KCNH8: variants seen among roughly 807,000 people sequenced by gnomAD.
KCNH8 encodes the protein voltage-gated delayed rectifier potassium channel KCNH8.
A neutral mutation model predicts 103.6 loss-of-function variants in KCNH8; 70 were observed. The observed-to-expected ratio is 0.68, with a 90% CI of 0.56 to 0.82. KCNH8 has a LOEUF of 0.82. Among genes scored for constraint, KCNH8 ranks in the 40% least tolerant of loss-of-function variants. The pLI is 0.00. For missense variants in KCNH8, 1,217 were observed against 1,329.9 expected, an observed-to-expected ratio of 0.92 and a Z score of 1.32; for synonymous variants, 498 against 489.4, an observed-to-expected ratio of 1.02 and a Z score of -0.23.
intron 3 of KCNH8, among the ~76,000 whole-genome samples, chr3:19,301,654 CACTA>C (rs2065066179): frequency 6.6e-6 from 1 of 152,166 alleles, no homozygotes; most frequent in African/African-American, 2.4e-5. Context: ...TCAATTCTGA[CACTA>C]ACTATCTGAA....
intron 3 of KCNH8, among the ~76,000 whole-genome samples, chr3:19,324,370 G>A (rs1034052036): frequency 6.6e-6 from 1 of 152,164 alleles, no homozygotes; most frequent in Non-Finnish European, 1.5e-5. Context: ...AAAGAAAGAA[G>A]AGTAAAGGAG....
At chr3:19,469,174 T>C (rs560914748) in intron 11 of KCNH8, among the ~76,000 whole-genome samples, 25 of 152,184 alleles carry the variant, frequency 1.6e-4, no homozygotes, top group South Asian at 4.1e-4. Context: ...TAATTGTTCT[T>C]AGAAAATTGC....
At chr3:19,529,796 C>A (rs1022835870) in intron 15 of KCNH8, among the ~76,000 whole-genome samples, 1 of 152,126 alleles carries the variant, frequency 6.6e-6, no homozygotes, top group Non-Finnish European at 1.5e-5. Context: ...TTCCCTCATG[C>A]AACTTTAATA....
intron 1 of KCNH8, among the ~76,000 whole-genome samples, chr3:19,245,485 T>A (rs941091680): frequency 4.6e-5 from 7 of 152,218 alleles, no homozygotes; most frequent in Non-Finnish European, 1.0e-4. Flanking sequence ...TTTATTCTAA[T>A]TCTGTGAAGG....
chr3:19,533,465 A>C lies in KCNH8; in HGVS notation c.2690A>C (p.Asn897Thr), dbSNP rs35430375. 7.8e-4 allele frequency: 1,256 copies of C among 1,614,100 alleles called. 4 individuals carry two copies. The highest frequency in any genetic ancestry group is 5.1e-3 in the Middle Eastern group (31 of 6,062). Residue 897 changes from asparagine (N) to threonine (T), a missense_variant, in exon 16 of 16, where the codon AAC becomes ACC. Physicochemically the swap from Asn to Thr is moderately conservative, Grantham distance 65. This residue lies in a region of KCNH8 where 558 missense variants were observed against 495.8 expected (regional missense o/e 1.13). Transcript: ENST00000328405. Reference protein sequence around the residue: ...DMRNVIQLLENVLSPQQPSRF... With the variant: ...DMRNVIQLLETVLSPQQPSRF... ...AGAAATGTGATCCAGCTTCTGGAAA[A>C]CGTTCTGTCACCTCAGCAGCCATCA...
At chr3:19,359,190 T>C (rs955798947) in intron 5 of KCNH8, among the ~76,000 whole-genome samples, 9 of 151,880 alleles carry the variant, frequency 5.9e-5, no homozygotes, top group African/African-American at 2.2e-4. Flanking sequence ...AGATCTGTTA[T>C]GTAAATACTA....
chr3:19,495,591 T>C (rs1490948825), intron 11 of KCNH8, among the ~76,000 whole-genome samples: 1 of 152,226 alleles, frequency 6.6e-6, no homozygotes, highest in African/African-American at 2.4e-5. Context: ...AGGACCCTGC[T>C]ATTTTGGTTA....
At chr3:19,192,424 T>A (rs2063562218) in intron 1 of KCNH8, among the ~76,000 whole-genome samples, 1 of 151,650 alleles carries the variant, frequency 6.6e-6, no homozygotes, top group Non-Finnish European at 1.5e-5. Flanking sequence ...ATCCAATATT[T>A]CTCCAAGGAA....
intron 11 of KCNH8, among the ~76,000 whole-genome samples, chr3:19,491,874 T>C (rs931898828): frequency 6.6e-6 from 1 of 152,242 alleles, no homozygotes; most frequent in African/African-American, 2.4e-5. Flanking sequence ...TTCTGACTAG[T>C]GTGAAATGGT....
chr3:19,481,833 T>C (rs999701393), intron 11 of KCNH8, among the ~76,000 whole-genome samples: 5 of 152,268 alleles, frequency 3.3e-5, no homozygotes, highest in Non-Finnish European at 5.9e-5. Context: ...AGAAAACTTA[T>C]GGTTGGGTAA....
intron 11 of KCNH8, among the ~76,000 whole-genome samples, chr3:19,497,769 T>A (rs759003987): frequency 1.3e-5 from 2 of 152,152 alleles, no homozygotes; most frequent in African/African-American, 4.8e-5. Flanking sequence ...TATTCAAGTA[T>A]TGAATTCAGG....
chr3:19,264,488 C>G (rs1233438330), intron 2 of KCNH8, among the ~76,000 whole-genome samples: 2 of 152,062 alleles, frequency 1.3e-5, no homozygotes, highest in African/African-American at 4.8e-5. Flanking sequence ...TTTTGAAGTG[C>G]TCTTCACTGA....
chr3:19,328,727 A>G (rs1017166747), intron 3 of KCNH8, among the ~76,000 whole-genome samples: 2 of 152,190 alleles, frequency 1.3e-5, no homozygotes, highest in Non-Finnish European at 2.9e-5. Flanking sequence ...TTCTTGATTC[A>G]TACATTATTT....
chr3:19,238,348 T>C (rs916621935), intron 1 of KCNH8, among the ~76,000 whole-genome samples: 1 of 152,150 alleles, frequency 6.6e-6, no homozygotes, highest in Non-Finnish European at 1.5e-5. Context: ...TATGTGACAA[T>C]GCTGCAGATA....
chr3:19,219,195 A>G (rs897355215), intron 1 of KCNH8, among the ~76,000 whole-genome samples: 5 of 152,034 alleles, frequency 3.3e-5, no homozygotes, highest in Non-Finnish European at 5.9e-5. Context: ...CACTGTCCTC[A>G]TGGATTATAA....
At chr3:19,265,816 C>T (rs1424325753) in intron 2 of KCNH8, among the ~76,000 whole-genome samples, 1 of 152,018 alleles carries the variant, frequency 6.6e-6, no homozygotes, top group East Asian at 1.9e-4. Flanking sequence ...ATTATAATAT[C>T]GACTGGCTAC....
intron 3 of KCNH8, among the ~76,000 whole-genome samples, chr3:19,340,920 G>A (rs1052671160): frequency 2.6e-5 from 4 of 152,090 alleles, no homozygotes; most frequent in Non-Finnish European, 5.9e-5. Flanking sequence ...TTTTAAAATT[G>A]AGAGTTTATT....
At chr3:19,352,908 A>T (rs2065824117) in intron 5 of KCNH8, among the ~76,000 whole-genome samples, 2 of 152,200 alleles carry the variant, frequency 1.3e-5, no homozygotes. Context: ...GGAGATAGAG[A>T]CACAAAAAAA....
At chr3:19,262,965 A>G (rs1413074531) in intron 2 of KCNH8, among the ~76,000 whole-genome samples, 1 of 152,114 alleles carries the variant, frequency 6.6e-6, no homozygotes, top group Non-Finnish European at 1.5e-5. Flanking sequence ...GCAATACAAC[A>G]GCAAATGCAA....
Sources: gnomAD v4.1 joint callset for allele counts (sites outside exome capture counted in the v4.1 genomes callset) on GRCh38, gnomAD v4.1.1 for gene constraint, gnomAD v4.1.1 regional missense constraint, MANE v1.5 for transcripts, NCBI Gene and HGNC (gene_info 2026-07-23, HGNC 2026-07-21) for gene names.